Variants in AGAP1 observed in about 807,000 individuals in gnomAD.
AGAP1 encodes the protein ArfGAP with GTPase domain, ankyrin repeat and PH domain 1, also known as arf-GAP with GTPase, ANK repeat and PH domain-containing protein 1.
In AGAP1, 29 loss-of-function variants were observed where a neutral mutation model predicts 105.3. That is an observed-to-expected ratio of 0.28 (90% confidence interval 0.21 to 0.38). The LOEUF (loss-of-function observed/expected upper bound fraction) is 0.38, where lower values mean the gene tolerates loss of function less well. AGAP1 is among the 10% of genes least tolerant of loss of function. The pLI is 1.00. For missense variants in AGAP1, 998 were observed against 1,165.1 expected (o/e 0.86, Z 2.09); for synonymous variants, 509 against 485.9 (o/e 1.05, Z -0.63).
At position 235,883,467 on chromosome 2, in the gene AGAP1, G is replaced by T. The variant is rs754063583; in HGVS notation, c.1155+18G>T. The T allele has an allele frequency of 1.9e-6, 3 of 1,600,802 alleles. No homozygotes were observed. The highest frequency in any genetic ancestry group is 2.7e-5 in the African/African-American group (2 of 74,578). On this transcript the variant is annotated intron_variant, in intron 10 of 17. Transcript: ENST00000304032. The surrounding 1 kb of genome is among the most constrained non-coding windows in gnomAD (Gnocchi z 4.5). ...GTTTACATGTGAGTATAGCCCCCTCGGAGCAATTAACAGCTGCAGACCTCA... is the reference window on the plus strand; with the variant it reads ...GTTTACATGTGAGTATAGCCCCCTCTGAGCAATTAACAGCTGCAGACCTCA...
chr2:236,030,436 A>G (rs1352794610), intron 13 of AGAP1, among the ~76,000 whole-genome samples: 3 of 152,206 alleles, frequency 2.0e-5, no homozygotes, highest in Non-Finnish European at 4.4e-5. Context: ...TAGAGAAGAT[A>G]CCAGAAGCCA....
At chr2:235,897,182 A>C (rs973524473) in intron 10 of AGAP1, among the ~76,000 whole-genome samples, 1 of 152,072 alleles carries the variant, frequency 6.6e-6, no homozygotes, top group African/African-American at 2.4e-5. Context: ...TCCAGGGTTC[A>C]AGCAATTCCA....
Position 235,763,058 on chromosome 2 carries a change from GCGCGCGCGCGCACA to G in AGAP1, c.673+12573_673+12586del, listed in dbSNP as rs879826691. ...CGGGTGTGTGTGTGTGTGTATGTGTGCGCGCGCGCGCACACGTGCACCTGCCGTGTTTGAAAAAA... is the reference window on the plus strand; with the variant it reads ...CGGGTGTGTGTGTGTGTGTATGTGTGCGTGCACCTGCCGTGTTTGAAAAAA... On this transcript the variant is annotated intron_variant, in intron 6 of 17. Coordinates refer to ENST00000304032, the MANE Select transcript of AGAP1 (RefSeq NM_001037131.3). 7.6e-3 allele frequency among the ~76,000 whole-genome samples: 819 copies of G among 107,276 alleles called. 8 individuals carry two copies. The highest frequency in any genetic ancestry group is 0.016 in the African/African-American group (554 of 34,316). The allele number at this position is 107,276 out of a possible 152,430, so 70.4% of individuals were successfully genotyped here.
intron 1 of AGAP1, among the ~76,000 whole-genome samples, chr2:235,708,049 G>A (rs1174684340): frequency 6.6e-6 from 1 of 152,184 alleles, no homozygotes; most frequent in Non-Finnish European, 1.5e-5. Flanking sequence ...CACACCCATG[G>A]TGTGGTTAGC....
intron 16 of AGAP1, among the ~76,000 whole-genome samples, chr2:236,069,997 CAGT>C (rs1016636837): frequency 1.3e-5 from 2 of 152,252 alleles, no homozygotes; most frequent in African/African-American, 4.8e-5. Flanking sequence ...CCCAGTGTGA[CAGT>C]GGTGGCTGAC....
At chr2:236,086,091 C>T (rs558130145) in intron 16 of AGAP1, among the ~76,000 whole-genome samples, 1 of 152,220 alleles carries the variant, frequency 6.6e-6, no homozygotes, top group Admixed American at 6.5e-5. Context: ...CCTTTTCCCC[C>T]CTCCTCCTGC....
intron 9 of AGAP1, among the ~76,000 whole-genome samples, chr2:235,847,577 T>C (rs529571136): frequency 1.5e-4 from 23 of 152,388 alleles, no homozygotes; most frequent in African/African-American, 4.8e-4. Context: ...AGTAAATTAA[T>C]CTGAGTCATT....
intron 1 of AGAP1, among the ~76,000 whole-genome samples, chr2:235,641,191 G>A (rs1947177347): frequency 6.6e-6 from 1 of 152,164 alleles, no homozygotes; most frequent in Admixed American, 6.5e-5. Context: ...CTGAAACAAT[G>A]CATAATGGGA....
At chr2:235,892,890 G>C (rs1213081423) in intron 10 of AGAP1, among the ~76,000 whole-genome samples, 1 of 152,226 alleles carries the variant, frequency 6.6e-6, no homozygotes, top group African/African-American at 2.4e-5. Flanking sequence ...GTGAAGGCCA[G>C]ATTTTCAGAT....
At chr2:235,684,276 C>T (rs1203520066) in intron 1 of AGAP1, among the ~76,000 whole-genome samples, 46 of 152,104 alleles carry the variant, frequency 3.0e-4, no homozygotes, top group Non-Finnish European at 1.5e-5. Context: ...GATCTCCTGA[C>T]CTCATGATCC....
intron 1 of AGAP1, among the ~76,000 whole-genome samples, chr2:235,605,003 C>G (rs1945879569): frequency 6.6e-6 from 1 of 151,976 alleles, no homozygotes; most frequent in Admixed American, 6.6e-5. Context: ...GCCTCAGCCT[C>G]CCAAGTAGCT....
chr2:235,553,698 G>A lies in AGAP1; in HGVS notation c.163+58849G>A, dbSNP rs1943884671. On this transcript the variant is annotated intron_variant, in intron 1 of 17. Coordinates refer to ENST00000304032, the MANE Select transcript of AGAP1 (RefSeq NM_001037131.3). This position sits in a 1 kb window ranked among gnomAD's most constrained non-coding sequence, Gnocchi z 4.5. ...TGCCTCCAGGGCCCTGGATTTGGAG[G>A]GAGCCAACTGCCAGAGTCTCAAGCA... 6.6e-6 allele frequency among the ~76,000 whole-genome samples: 1 copy of A among 151,914 alleles called. No homozygotes were observed. Among genetic ancestry groups the A allele is most frequent in the Admixed American group, 6.6e-5 (1 of 15,252 alleles).
At chr2:235,948,894 C>A (rs1357125408) in intron 12 of AGAP1, among the ~76,000 whole-genome samples, 2 of 152,206 alleles carry the variant, frequency 1.3e-5, no homozygotes, top group African/African-American at 4.8e-5. Context: ...CTCTGCAGAG[C>A]CTATCCCGTG....
At chr2:235,913,426 C>T (rs1235599811) in intron 11 of AGAP1, among the ~76,000 whole-genome samples, 1 of 152,050 alleles carries the variant, frequency 6.6e-6, no homozygotes, top group East Asian at 1.9e-4. Flanking sequence ...AATCAACTGT[C>T]GTTTTTCTCT....
rs1292600357 is a variant in AGAP1 at position 235,517,035 on chromosome 2, T to G, written c.163+22186T>G. ...GGCGCCTACGTTAGTCAGCTCGGGC[T>G]GCCACGACAAAATACCACAGACTGG... On this transcript the variant is annotated intron_variant, in intron 1 of 17. Coordinates refer to ENST00000304032, the MANE Select transcript of AGAP1 (RefSeq NM_001037131.3). This position sits in a 1 kb window ranked among gnomAD's most constrained non-coding sequence, Gnocchi z 4.1. Among the ~76,000 whole-genome samples the G allele has an allele frequency of 6.6e-6, 1 of 152,196 alleles. No individual in the cohort carries two copies. The highest frequency in any genetic ancestry group is 1.5e-5 in the Non-Finnish European group (1 of 68,040).
chr2:235,694,858 T>A (rs1254328316), intron 1 of AGAP1, among the ~76,000 whole-genome samples: 2 of 152,220 alleles, frequency 1.3e-5, no homozygotes, highest in Non-Finnish European at 1.5e-5. Flanking sequence ...GGAGATCAAA[T>A]GAAGAGAGGC....
chr2:235,997,468 C>T (rs957242182), intron 13 of AGAP1, among the ~76,000 whole-genome samples: 12 of 152,208 alleles, frequency 7.9e-5, no homozygotes, highest in African/African-American at 2.9e-4. Flanking sequence ...GCACCTTTCT[C>T]TACTACCTTA....
intron 9 of AGAP1, among the ~76,000 whole-genome samples, chr2:235,859,090 G>T (rs1036546693): frequency 6.6e-6 from 1 of 152,138 alleles, no homozygotes; most frequent in African/African-American, 2.4e-5. Flanking sequence ...ATGTTGTCTC[G>T]ATCTTTATTA....
chr2:235,946,311 A>T lies in AGAP1; in HGVS notation c.1483+15388A>T, dbSNP rs1454640456. Among the ~76,000 whole-genome samples, 4 of 125,716 alleles carry T rather than the reference A, an allele frequency of 3.2e-5. No homozygotes were observed. In the Admixed American group the frequency reaches 3.6e-4, roughly 11 times the overall value. 82.5% of individuals were successfully genotyped at this position (125,716 alleles called of 152,430 possible). Reference sequence around the variant, plus strand: ...TTTTTTTTTTTTTTTTTTGAGACAGAGTCTTGTTCTGTCAGCCACGCTGGG... The same window carrying T: ...TTTTTTTTTTTTTTTTTTGAGACAGTGTCTTGTTCTGTCAGCCACGCTGGG... On this transcript the variant is annotated intron_variant, in intron 12 of 17. Coordinates refer to ENST00000304032, the MANE Select transcript of AGAP1 (RefSeq NM_001037131.3).
Sources: allele counts gnomAD v4.1 joint callset (sites outside exome capture counted in the v4.1 genomes callset), GRCh38; gene constraint gnomAD v4.1.1; non-coding constraint Gnocchi (gnomAD v3.1); transcripts MANE v1.5; gene names NCBI Gene and HGNC (gene_info 2026-07-23, HGNC 2026-07-21).